NCAM1: variants seen among roughly 807,000 people sequenced by gnomAD.
NCAM1 encodes the protein antigen recognized by monoclonal antibody 5.1H11.
NCAM1 carries 14 observed loss-of-function variants against 109.8 expected under a neutral mutation model. That is an observed-to-expected ratio of 0.13 (90% CI 0.08 to 0.20). The LOEUF (loss-of-function observed/expected upper bound fraction) is 0.20, where lower values mean the gene tolerates loss of function less well. NCAM1 is among the 10% of genes least tolerant of loss of function. The pLI is 1.00. For missense variants in NCAM1, 774 were observed against 1,109.9 expected, an observed-to-expected ratio of 0.70 and a Z score of 4.30; for synonymous variants, 418 against 442.9, an observed-to-expected ratio of 0.94 and a Z score of 0.70.
chr11:113,168,132 C>T (rs1200817632), intron 1 of NCAM1, among the ~76,000 whole-genome samples: 2 of 152,098 alleles, frequency 1.3e-5, no homozygotes, highest in East Asian at 3.9e-4. Context: ...GCTGGATAAT[C>T]GAGTTAATTC....
In NCAM1 at chr11:113,142,495, C is replaced by A. The variant is rs577178209; in HGVS notation, c.53-59884C>A. The stretch of plus-strand genomic sequence containing the variant: ...TATGCTAGCCTCCCTCTTCTCTTTG[C>A]CACACTGCCTAGGGGACAGGTACCA... On this transcript the variant is annotated intron_variant, in intron 1 of 19. Coordinates refer to ENST00000316851, the MANE Select transcript of NCAM1 (RefSeq NM_181351.5). 4.6e-5 allele frequency among the ~76,000 whole-genome samples: 7 copies of A among 152,290 alleles called. No homozygotes were observed. In the East Asian group the frequency reaches 1.4e-3, roughly 29 times the overall value.
intron 19 of NCAM1, among the ~76,000 whole-genome samples, chr11:113,272,170 T>G (rs1591478330): frequency 6.6e-6 from 1 of 152,126 alleles, no homozygotes. Context: ...TGGCTTAAGG[T>G]GGCAAAATCT....
At chr11:113,269,750 T>G in intron 17 of NCAM1, 7 of 213,928 alleles carry the variant, frequency 3.3e-5, no homozygotes, top group East Asian at 2.4e-4. Flanking sequence ...CACCACCCCA[T>G]TTTGGGCCCC....
chr11:113,231,145 G>A, intron 9 of NCAM1: 1 of 1,481,084 alleles, frequency 6.8e-7, no homozygotes, highest in Admixed American at 2.0e-5. Context: ...GCAGAAATAA[G>A]GATTTCTTTA....
chr11:113,224,264 A>G (rs1944770847), intron 9 of NCAM1, among the ~76,000 whole-genome samples: 1 of 152,218 alleles, frequency 6.6e-6, no homozygotes. Flanking sequence ...GGTCTTAGCA[A>G]ACGGCACACC....
intron 1 of NCAM1, among the ~76,000 whole-genome samples, chr11:113,117,482 C>G (rs1020816499): frequency 1.3e-5 from 2 of 151,904 alleles, no homozygotes; most frequent in Non-Finnish European, 2.9e-5. Flanking sequence ...CAGCTCAGAC[C>G]AACTATTTGT....
intron 1 of NCAM1, among the ~76,000 whole-genome samples, chr11:112,970,646 T>C (rs899277481): frequency 2.0e-5 from 3 of 152,158 alleles, no homozygotes; most frequent in Non-Finnish European, 2.9e-5. Context: ...CAAAATAAGA[T>C]AATATATGGG....
chr11:113,051,603 T>C (rs1022803725), intron 1 of NCAM1, among the ~76,000 whole-genome samples: 2 of 152,346 alleles, frequency 1.3e-5, no homozygotes, highest in East Asian at 1.9e-4. Context: ...ATATATACTT[T>C]ATAAACTATA....
intron 5 of NCAM1, among the ~76,000 whole-genome samples, chr11:113,207,049 AAC>A: frequency 6.6e-6 from 1 of 152,226 alleles, no homozygotes; most frequent in South Asian, 2.1e-4. Context: ...ATTAATGAAA[AAC>A]AAAAATGCAT....
chr11:113,222,386 C>G (rs1032946665), intron 9 of NCAM1, among the ~76,000 whole-genome samples: 3 of 152,200 alleles, frequency 2.0e-5, no homozygotes, highest in Non-Finnish European at 4.4e-5. Flanking sequence ...AGTTGACTGC[C>G]TGTCCCCAGG....
intron 14 of NCAM1, among the ~76,000 whole-genome samples, chr11:113,245,918 A>G (rs1945486221): frequency 6.6e-6 from 1 of 152,166 alleles, no homozygotes; most frequent in African/African-American, 2.4e-5. Flanking sequence ...TCTGTGGATA[A>G]TAACTTGCTT....
At chr11:113,088,533 T>C (rs1939191063) in intron 1 of NCAM1, among the ~76,000 whole-genome samples, 1 of 57,742 alleles carries the variant, frequency 1.7e-5, no homozygotes, top group Non-Finnish European at 3.6e-5. Context: ...CCATTTGATA[T>C]GGCATAGCGA....
intron 1 of NCAM1, among the ~76,000 whole-genome samples, chr11:113,190,031 G>A (rs1012068574): frequency 6.6e-6 from 1 of 152,166 alleles, no homozygotes; most frequent in Non-Finnish European, 1.5e-5. Flanking sequence ...GACCAAGTTT[G>A]TGTGTTTGGT....
intron 1 of NCAM1, among the ~76,000 whole-genome samples, chr11:113,124,306 T>A (rs1443062409): frequency 1.3e-5 from 2 of 152,212 alleles, no homozygotes; most frequent in African/African-American, 4.8e-5. Context: ...CTTTTCTCAA[T>A]CATTAGTACT....
intron 1 of NCAM1, among the ~76,000 whole-genome samples, chr11:113,046,851 C>T (rs1448205830): frequency 6.8e-6 from 1 of 147,872 alleles, no homozygotes; most frequent in East Asian, 2.0e-4. Flanking sequence ...CATAGATGGA[C>T]AGACAGAAGA....
At chr11:113,202,964 A>G (rs1944115104) in intron 2 of NCAM1, among the ~76,000 whole-genome samples, 1 of 152,206 alleles carries the variant, frequency 6.6e-6, no homozygotes, top group Non-Finnish European at 1.5e-5. Flanking sequence ...TCTATTGTGA[A>G]TATCGATATT....
chr11:113,196,447 C>T (rs556818949), intron 1 of NCAM1, among the ~76,000 whole-genome samples: 5 of 152,234 alleles, frequency 3.3e-5, no homozygotes, highest in Admixed American at 6.5e-5. Flanking sequence ...TTATCTTAAA[C>T]CATAAAGGGA....
chr11:113,180,251 G>A (rs1324142513), intron 1 of NCAM1, among the ~76,000 whole-genome samples: 2 of 152,190 alleles, frequency 1.3e-5, no homozygotes, highest in African/African-American at 4.8e-5. Context: ...TATAGCCCCT[G>A]TCTGGAAGAG....
chr11:113,104,202 T>TGGGGGGGGG (rs1565438460), intron 1 of NCAM1, among the ~76,000 whole-genome samples: 1 of 2,546 alleles, frequency 3.9e-4, no homozygotes. Flanking sequence ...GAAGAGGAGG[T>TGGGGGGGGG]GGGGTGGGGG....
Sources: gnomAD v4.1 joint callset for allele counts (sites outside exome capture counted in the v4.1 genomes callset) on GRCh38, gnomAD v4.1.1 for gene constraint, MANE v1.5 for transcripts, NCBI Gene and HGNC (gene_info 2026-07-23, HGNC 2026-07-21) for gene names.